The following KHDRBS2 variants were observed in gnomAD, a reference collection of about 807,000 sequenced individuals.
KHDRBS2 encodes the protein KH RNA binding domain containing, signal transduction associated 2.
In KHDRBS2, 26 loss-of-function variants were observed where a neutral mutation model predicts 44.3. That is an observed-to-expected ratio of 0.59 (90% CI 0.43 to 0.81). KHDRBS2 has a LOEUF of 0.81. Among genes scored for constraint, KHDRBS2 ranks in the 40% least tolerant of loss-of-function variants. The pLI is 0.00. For synonymous variants in KHDRBS2, 194 were observed against 151.1 expected (o/e 1.28, Z -2.08); for missense variants, 476 against 433.1 (o/e 1.10, Z -0.88).
intron 6 of KHDRBS2, among the ~76,000 whole-genome samples, chr6:61,892,235 C>T (rs1243360313): frequency 6.6e-6 from 1 of 152,016 alleles, no homozygotes; most frequent in Non-Finnish European, 1.5e-5. Flanking sequence ...CAAACCACTG[C>T]TCAATGAAAT....
rs185440831 is a variant in KHDRBS2, at chr6:62,117,075, T to C, written c.219+60110A>G. ...TGCAATAAATATGGGAGTGCAGATA[T>C]CTCTTCAATATACCGATCTTCTTTT... On this transcript the variant is annotated intron_variant, in intron 2 of 8. Transcript: ENST00000281156. Among the ~76,000 whole-genome samples, 41 of 152,304 alleles carry C rather than the reference T, an allele frequency of 2.7e-4. No individual in the cohort carries two copies. In the East Asian group the frequency reaches 7.7e-3, roughly 29 times the overall value.
intron 6 of KHDRBS2, among the ~76,000 whole-genome samples, chr6:61,775,601 C>T: frequency 6.6e-6 from 1 of 152,178 alleles, no homozygotes; most frequent in East Asian, 1.9e-4. Context: ...TGAAGGACCT[C>T]TTCAAGGAAA....
intron 2 of KHDRBS2, among the ~76,000 whole-genome samples, chr6:62,119,372 A>G (rs1287513220): frequency 1.3e-5 from 2 of 152,172 alleles, no homozygotes; most frequent in Admixed American, 1.3e-4. Flanking sequence ...AAGTGATGGA[A>G]GAACTCAGGG....
At chr6:62,285,830 T>G in intron 1 of KHDRBS2, 28 bp downstream of exon 1, 22 of 1,548,642 alleles carry the variant, frequency 1.4e-5, no homozygotes, top group Non-Finnish European at 2.0e-5. Context: ...GCCGGCGGTT[T>G]GTGCCCATCT....
chr6:61,954,424 T>TATGTATGCATGCATACATATATACGA, intron 4 of KHDRBS2, among the ~76,000 whole-genome samples: 1 of 146,176 alleles, frequency 6.8e-6, no homozygotes, highest in Non-Finnish European at 1.5e-5. Flanking sequence ...CATATATACG[T>TATGTATGCATGCATACATATATACGA]ATGTATGCAT....
chr6:61,945,355 T>C (rs1051816996), intron 4 of KHDRBS2, among the ~76,000 whole-genome samples: 4 of 151,330 alleles, frequency 2.6e-5, no homozygotes, highest in African/African-American at 7.3e-5. Flanking sequence ...GATATAATTA[T>C]GCCCTAATAT....
the KHDRBS2 span, among the ~76,000 whole-genome samples, chr6:61,611,495 T>G: frequency 6.6e-6 from 1 of 152,152 alleles, no homozygotes; most frequent in Non-Finnish European, 1.5e-5. Context: ...AACCTTAAAT[T>G]TAAGTTTTAT....
At chr6:62,279,905 C>T (rs1387576747) in intron 1 of KHDRBS2, among the ~76,000 whole-genome samples, 1 of 152,164 alleles carries the variant, frequency 6.6e-6, no homozygotes, top group Non-Finnish European at 1.5e-5. Context: ...TACCTGGCAC[C>T]ATCACATACC....
intron 2 of KHDRBS2, among the ~76,000 whole-genome samples, chr6:62,051,998 G>C (rs1259788280): frequency 6.6e-6 from 1 of 151,916 alleles, no homozygotes; most frequent in African/African-American, 2.4e-5. Context: ...ATTTTTACTT[G>C]AGTGAGCAGA....
At chr6:61,655,559 T>C in the KHDRBS2 span, among the ~76,000 whole-genome samples, 1 of 152,170 alleles carries the variant, frequency 6.6e-6, no homozygotes, top group East Asian at 1.9e-4. Flanking sequence ...TTTGCCTAAA[T>C]ACGTATTTTT....
intron 1 of KHDRBS2, among the ~76,000 whole-genome samples, chr6:62,260,849 T>C (rs1055574544): frequency 6.6e-6 from 1 of 151,908 alleles, no homozygotes; most frequent in Non-Finnish European, 1.5e-5. Context: ...AATAAAAATA[T>C]AAGAACCGGG....
At chr6:61,961,446 GA>G (rs1310254442) in intron 4 of KHDRBS2, among the ~76,000 whole-genome samples, 8 of 147,068 alleles carry the variant, frequency 5.4e-5, no homozygotes, top group Non-Finnish European at 7.6e-5. Context: ...GAAAGAAAGA[GA>G]AAAAAAGAGA....
intron 4 of KHDRBS2, among the ~76,000 whole-genome samples, chr6:61,946,045 T>C (rs1459355193): frequency 6.6e-6 from 1 of 152,196 alleles, no homozygotes; most frequent in African/African-American, 2.4e-5. Flanking sequence ...TGAGAGATAA[T>C]GCAGGCATCA....
intron 2 of KHDRBS2, among the ~76,000 whole-genome samples, chr6:62,094,439 C>G (rs1041495351): frequency 6.6e-6 from 1 of 151,748 alleles, no homozygotes; most frequent in Non-Finnish European, 1.5e-5. Flanking sequence ...ATATTAATCC[C>G]TTATCAAACA....
chr6:62,248,871 G>A (rs772315117), intron 1 of KHDRBS2, among the ~76,000 whole-genome samples: 35 of 152,054 alleles, frequency 2.3e-4, no homozygotes, highest in Non-Finnish European at 3.8e-4. Context: ...AACAAACATA[G>A]ATAGTAAAAA....
intron 4 of KHDRBS2, among the ~76,000 whole-genome samples, chr6:61,911,975 T>C (rs530017971): frequency 6.6e-6 from 1 of 152,202 alleles, no homozygotes; most frequent in Admixed American, 6.6e-5. Flanking sequence ...AAACAATTAT[T>C]GCGCCACTTT....
At chr6:61,953,928 TAAA>T (rs889914758) in intron 4 of KHDRBS2, among the ~76,000 whole-genome samples, 1 of 152,024 alleles carries the variant, frequency 6.6e-6, no homozygotes, top group African/African-American at 2.4e-5. Flanking sequence ...GTAAGTAACT[TAAA>T]GAAGACCTAT....
At chr6:61,873,320 C>T (rs1039283901) in intron 6 of KHDRBS2, among the ~76,000 whole-genome samples, 4 of 151,720 alleles carry the variant, frequency 2.6e-5, no homozygotes, top group African/African-American at 4.8e-5. Flanking sequence ...AATGCAAAAA[C>T]AGTAGAAAAA....
At chr6:62,252,811 C>A (rs1288040094) in intron 1 of KHDRBS2, among the ~76,000 whole-genome samples, 1 of 151,982 alleles carries the variant, frequency 6.6e-6, no homozygotes, top group Non-Finnish European at 1.5e-5. Flanking sequence ...TTTCCAGTTT[C>A]TCTTCTTCTT....
Sources: gnomAD v4.1 joint callset for allele counts (sites outside exome capture counted in the v4.1 genomes callset) on GRCh38, gnomAD v4.1.1 for gene constraint, MANE v1.5 for transcripts, NCBI Gene and HGNC (gene_info 2026-07-23, HGNC 2026-07-21) for gene names.